Variants in ATP2B1 observed in about 807,000 individuals in gnomAD.
ATP2B1 encodes ATPase plasma membrane Ca2+ transporting 1.
Under a neutral mutation model 124.2 loss-of-function variants are expected in ATP2B1, and 14 were observed. The ratio of observed to expected loss-of-function variants is 0.11; its 90% CI spans 0.07 to 0.18. The LOEUF (loss-of-function observed/expected upper bound fraction) is 0.18. Ranked by LOEUF, ATP2B1 falls within the 10% of genes least tolerant of loss-of-function variation. ATP2B1 has a pLI of 1.00. For missense variants in ATP2B1, 763 were observed against 1,466.1 expected, an observed-to-expected ratio of 0.52 and a Z score of 7.83; for synonymous variants, 449 against 492.4, an observed-to-expected ratio of 0.91 and a Z score of 1.17.
intron 3 of ATP2B1, among the ~76,000 whole-genome samples, chr12:89,636,568 A>C (rs760207201): frequency 2.6e-5 from 4 of 152,218 alleles, no homozygotes; most frequent in Non-Finnish European, 4.4e-5. Flanking sequence ...TCAGAAGAAA[A>C]GAATGAGTAA....
At chr12:89,668,551 T>C (rs950217677) in intron 1 of ATP2B1, among the ~76,000 whole-genome samples, 2 of 152,182 alleles carry the variant, frequency 1.3e-5, no homozygotes, top group Non-Finnish European at 2.9e-5. Context: ...AAAGAGAGAT[T>C]TGCACCATCT....
intron 1 of ATP2B1, among the ~76,000 whole-genome samples, chr12:89,674,140 T>C (rs191829442): frequency 1.3e-5 from 2 of 152,314 alleles, no homozygotes; most frequent in African/African-American, 4.8e-5. Context: ...GACACAATAA[T>C]TCCTGTCTCC....
rs1879479563 is a variant in ATP2B1 at position 89,618,981 on chromosome 12, A to G, written c.1829+1018T>C. On this transcript the variant is annotated intron_variant, in intron 11 of 20. Coordinates refer to ENST00000428670, the MANE Select transcript of ATP2B1 (RefSeq NM_001366521.1). ...TTTTCCCAACTTGCTCTTAACCAGT[A>G]TTTTTTTTTAACCAGTTCTCTACTT... 2.6e-5 allele frequency among the ~76,000 whole-genome samples: 4 copies of G among 151,402 alleles called. No homozygotes were observed. In the South Asian group the frequency reaches 8.3e-4, roughly 32 times the overall value.
intron 1 of ATP2B1, among the ~76,000 whole-genome samples, chr12:89,698,301 CTCA>C (rs1484261623): frequency 1.3e-5 from 2 of 152,148 alleles, no homozygotes; most frequent in Non-Finnish European, 1.5e-5. Context: ...ACAGTGAATC[CTCA>C]TCAGCAATAA....
chr12:89,657,559 TA>T (rs1475299637), intron 1 of ATP2B1, among the ~76,000 whole-genome samples: 1 of 152,216 alleles, frequency 6.6e-6, no homozygotes, highest in Non-Finnish European at 1.5e-5. Flanking sequence ...GCAAATGCAA[TA>T]AATCTTCAGC....
At chr12:89,613,382 C>T (rs1449174655) in intron 12 of ATP2B1, among the ~76,000 whole-genome samples, 1 of 152,170 alleles carries the variant, frequency 6.6e-6, no homozygotes, top group African/African-American at 2.4e-5. Flanking sequence ...AGTTATTTCC[C>T]TCTACCCAGT....
intron 1 of ATP2B1, among the ~76,000 whole-genome samples, chr12:89,687,428 T>C (rs888644908): frequency 3.3e-5 from 5 of 152,116 alleles, no homozygotes; most frequent in Admixed American, 1.3e-4. Context: ...ATAACGAAAT[T>C]GCAACGCATT....
At chr12:89,629,139 T>C (rs1448285145) in intron 6 of ATP2B1, among the ~76,000 whole-genome samples, 1 of 152,168 alleles carries the variant, frequency 6.6e-6, no homozygotes, top group Non-Finnish European at 1.5e-5. Context: ...ACAGTGAGGA[T>C]GCAAACTTCC....
At chr12:89,610,571 T>C (rs1877805150) in intron 13 of ATP2B1, 63 bp from the exon 14 acceptor site, 2 of 1,321,570 alleles carry the variant, frequency 1.5e-6, no homozygotes, top group Non-Finnish European at 2.2e-6. Flanking sequence ...TAATGAGCTA[T>C]CTGGCATATT....
At position 89,615,494 on chromosome 12, in the gene ATP2B1, A is replaced by C. The variant is rs1878800178; in HGVS notation, c.2067+1308T>G. Among the ~76,000 whole-genome samples, 4 of 152,194 alleles carry C rather than the reference A, an allele frequency of 2.6e-5. No homozygotes were observed. The South Asian group carries it at 8.3e-4, about 31-fold the overall frequency. On this transcript the variant is annotated intron_variant, in intron 12 of 20. Transcript: ENST00000428670. ...GCTGTCTTCTTCCTCTAGAATATAAATCTCAAGCCTATTCTGGTCACTGCA... is the reference window on the plus strand; with the variant it reads ...GCTGTCTTCTTCCTCTAGAATATAACTCTCAAGCCTATTCTGGTCACTGCA...
At chr12:89,643,695 A>T (rs2030760411) in intron 2 of ATP2B1, among the ~76,000 whole-genome samples, 1 of 152,212 alleles carries the variant, frequency 6.6e-6, no homozygotes, top group Non-Finnish European at 1.5e-5. Context: ...ACCCAGATAT[A>T]TCCCAATTAG....
intron 1 of ATP2B1, among the ~76,000 whole-genome samples, chr12:89,679,346 C>A (rs1889062608): frequency 6.6e-6 from 1 of 152,140 alleles, no homozygotes; most frequent in African/African-American, 2.4e-5. Flanking sequence ...TCTAAGGCAA[C>A]CAGTTGCTAA....
At chr12:89,693,897 AAAT>A (rs1212893495) in intron 1 of ATP2B1, among the ~76,000 whole-genome samples, 3 of 152,212 alleles carry the variant, frequency 2.0e-5, no homozygotes, top group Admixed American at 1.3e-4. Context: ...GAAACTGGAT[AAAT>A]AATAGCCTTA....
intron 2 of ATP2B1, among the ~76,000 whole-genome samples, chr12:89,646,247 G>A (rs1273758532): frequency 1.3e-5 from 2 of 152,044 alleles, no homozygotes; most frequent in East Asian, 1.9e-4. Context: ...ACAAGTGTAG[G>A]TGTCTAGTAG....
chr12:89,665,868 G>A (rs1046804890), intron 1 of ATP2B1, among the ~76,000 whole-genome samples: 5 of 152,130 alleles, frequency 3.3e-5, no homozygotes, highest in African/African-American at 4.8e-5. Flanking sequence ...ACTGAAAAGA[G>A]CTCACAAAAA....
At position 89,599,087 on chromosome 12, in the gene ATP2B1, A is replaced by G. The variant is rs766008672; in HGVS notation, c.3351+30T>C. On this transcript the variant is annotated intron_variant, in intron 20 of 20. Coordinates refer to ENST00000428670, the MANE Select transcript of ATP2B1 (RefSeq NM_001366521.1). The stretch of plus-strand genomic sequence containing the variant: ...AGGTCAAAAAGCCCTGGCTCCCATC[A>G]TCTCTCCTACCTCTCTACCAGGCCC... 6.9e-6 allele frequency: 11 copies of G among 1,598,862 alleles called. No individual in the cohort carries two copies. In the African/African-American group the frequency reaches 8.1e-5, roughly 12 times the overall value.
chr12:89,651,608 A>T (rs562400161), intron 2 of ATP2B1, among the ~76,000 whole-genome samples: 11 of 152,264 alleles, frequency 7.2e-5, no homozygotes, highest in African/African-American at 2.4e-4. Context: ...GATAAGCAGA[A>T]CCTTAAACCA....
intron 12 of ATP2B1, among the ~76,000 whole-genome samples, chr12:89,614,457 A>C (rs560052030): frequency 6.6e-6 from 1 of 152,314 alleles, no homozygotes; most frequent in East Asian, 1.9e-4. Flanking sequence ...CAAAACCCCA[A>C]ACCAAATTTA....
intron 5 of ATP2B1, among the ~76,000 whole-genome samples, chr12:89,632,518 T>TC (rs1882030233): frequency 1.3e-5 from 2 of 152,336 alleles, no homozygotes; most frequent in Non-Finnish European, 2.9e-5. Context: ...TTCTCCAGAC[T>TC]CCAATTGTTT....
Sources: gnomAD v4.1 joint callset for allele counts (sites outside exome capture counted in the v4.1 genomes callset) on GRCh38, gnomAD v4.1.1 for gene constraint, MANE v1.5 for transcripts, NCBI Gene and HGNC (gene_info 2026-07-23, HGNC 2026-07-21) for gene names.